Variants in KAT6B observed in about 807,000 individuals in gnomAD.
KAT6B encodes the protein lysine acetyltransferase 6B.
In KAT6B, 10 loss-of-function variants were observed where a neutral mutation model predicts 187.5. The ratio of observed to expected loss-of-function variants is 0.05; its 90% confidence interval spans 0.03 to 0.09. KAT6B has a LOEUF of 0.09. Ranked by LOEUF, KAT6B falls within the 10% of genes least tolerant of loss-of-function variation. The pLI, the probability that KAT6B is intolerant of heterozygous loss-of-function variation, is 1.00. For missense variants in KAT6B, 1,952 were observed against 2,558.9 expected, an observed-to-expected ratio of 0.76 and a Z score of 5.12; for synonymous variants, 861 against 926.8, an observed-to-expected ratio of 0.93 and a Z score of 1.29.
chr10:75,027,607 A>G, intron 17 of KAT6B, among the ~76,000 whole-genome samples: 1 of 151,954 alleles, frequency 6.6e-6, no homozygotes, highest in Admixed American at 6.6e-5. Context: ...TAATATGTAT[A>G]TAGCTATTCA....
At chr10:74,924,020 TTTG>T (rs776980909) in intron 3 of KAT6B, among the ~76,000 whole-genome samples, 15 of 152,126 alleles carry the variant, frequency 9.9e-5, no homozygotes, top group Non-Finnish European at 1.9e-4. Context: ...GCCCGCAGAA[TTTG>T]TTGATGAACT....
intron 3 of KAT6B, among the ~76,000 whole-genome samples, chr10:74,857,477 A>G (rs1297162828): frequency 6.6e-6 from 1 of 152,180 alleles, no homozygotes; most frequent in Non-Finnish European, 1.5e-5. Context: ...AAGGATGCAT[A>G]TTATTAGATT....
At chr10:74,846,376 GAC>G (rs1842101655) in intron 3 of KAT6B, among the ~76,000 whole-genome samples, 2 of 152,054 alleles carry the variant, frequency 1.3e-5, no homozygotes, top group Non-Finnish European at 2.9e-5. Flanking sequence ...TCATATGTCT[GAC>G]ACAGCCAAAT....
intron 3 of KAT6B, among the ~76,000 whole-genome samples, chr10:74,959,561 G>A (rs757216532): frequency 2.6e-5 from 4 of 152,154 alleles, no homozygotes; most frequent in Non-Finnish European, 5.9e-5. Context: ...GGAGGCTGAG[G>A]CAGGTGGATT....
At chr10:74,979,363 G>A (rs780212310) in intron 10 of KAT6B, 24 bp downstream of exon 10, 4 of 1,464,962 alleles carry the variant, frequency 2.7e-6, no homozygotes, top group Admixed American at 1.7e-5. Context: ...TCTGGCAGGT[G>A]TATAACTTGA....
At chr10:75,011,738 A>G (rs563925673) in intron 13 of KAT6B, among the ~76,000 whole-genome samples, 1 of 152,236 alleles carries the variant, frequency 6.6e-6, no homozygotes, top group Non-Finnish European at 1.5e-5. Flanking sequence ...CTTCTAATCC[A>G]CTAGACCAGG....
At chr10:74,839,376 G>A (rs914795551) in intron 2 of KAT6B, among the ~76,000 whole-genome samples, 4 of 151,538 alleles carry the variant, frequency 2.6e-5, no homozygotes, top group Non-Finnish European at 4.4e-5. Context: ...GATTACAGGC[G>A]CATGCCACCA....
At chr10:74,842,292 T>C (rs573062279) in intron 2 of KAT6B, among the ~76,000 whole-genome samples, 123 of 152,366 alleles carry the variant, frequency 8.1e-4, no homozygotes, top group Non-Finnish European at 1.2e-3. Context: ...GGCAGACATA[T>C]ACCTCAAACC....
chr10:74,968,277 AAC>A (rs1841612829), intron 4 of KAT6B, among the ~76,000 whole-genome samples: 1 of 152,202 alleles, frequency 6.6e-6, no homozygotes, highest in Admixed American at 6.5e-5. Context: ...CTCATAAAAG[AAC>A]AGTGTCACAG....
chr10:74,983,194 T>C (rs1176106509), intron 11 of KAT6B: 1 of 152,236 alleles, frequency 6.6e-6, no homozygotes, highest in East Asian at 1.9e-4. Flanking sequence ...TTCAAGCTGG[T>C]TAGTTCTTTG....
At chr10:74,826,032 TCGCGTGCCCGCCCG>T (rs942319126), upstream of KAT6B, among the ~76,000 whole-genome samples, 1 of 150,472 alleles carries the variant, frequency 6.6e-6, no homozygotes, top group Non-Finnish European at 1.5e-5. Context: ...AATTTTAACT[TCGCGTGCCCGCCCG>T]CGCGCGCCCG....
At chr10:74,877,145 TA>T (rs1564536980) in intron 3 of KAT6B, among the ~76,000 whole-genome samples, 1 of 151,838 alleles carries the variant, frequency 6.6e-6, no homozygotes, top group Non-Finnish European at 1.5e-5. Context: ...TTTGTATTTT[TA>T]GTGGAGACAG....
chr10:74,975,914 G>T lies in KAT6B; in HGVS notation c.1577G>T (p.Cys526Phe). The change falls in exon 8 of 18, where the codon TGC (cysteine) becomes TTC (phenylalanine). Residue 526 changes from cysteine (C) to phenylalanine (F), a missense_variant. Around this residue, in one of 9 missense-constraint regions of KAT6B, gnomAD observed 417 missense variants for 508.9 expected, o/e 0.82. Transcript: ENST00000287239. The stretch of plus-strand genomic sequence containing the variant: ...TCTCCCCAGAGTTCTTCCAGCCAGT[G>T]CAGTGTGCCCTCCCTGAGCAGCCTT... ...SPSPQSSSSQCSVPSLSSLTT... is the reference protein window; with the variant it reads ...SPSPQSSSSQFSVPSLSSLTT... 6.2e-7 allele frequency: 1 copy of T among 1,614,100 alleles called. No individual in the cohort carries two copies. Among genetic ancestry groups the T allele is most frequent in the Non-Finnish European group, 8.5e-7 (1 of 1,180,022 alleles).
At chr10:74,885,063 TAA>T (rs1491415223) in intron 3 of KAT6B, among the ~76,000 whole-genome samples, 6 of 151,852 alleles carry the variant, frequency 4.0e-5, no homozygotes, top group African/African-American at 1.5e-4. Context: ...ATTAATTAAT[TAA>T]TTAATTTATT....
intron 13 of KAT6B, among the ~76,000 whole-genome samples, chr10:74,989,873 C>T (rs1843019761): frequency 6.6e-6 from 1 of 151,768 alleles, no homozygotes; most frequent in Admixed American, 6.6e-5. Context: ...ACCAGATAAC[C>T]CATGATAATA....
chr10:74,870,565 A>G (rs1843847783), intron 3 of KAT6B, among the ~76,000 whole-genome samples: 1 of 152,124 alleles, frequency 6.6e-6, no homozygotes, highest in Non-Finnish European at 1.5e-5. Flanking sequence ...TTAAATATAA[A>G]TTGTCTATTG....
At chr10:74,927,131 A>G (rs979577247) in intron 3 of KAT6B, among the ~76,000 whole-genome samples, 19 of 152,226 alleles carry the variant, frequency 1.2e-4, no homozygotes, top group African/African-American at 4.6e-4. Context: ...GGTTTGACCT[A>G]GATGTTGATG....
chr10:74,830,754 A>ATATATATATATATATATATG (rs1564891963), intron 1 of KAT6B, among the ~76,000 whole-genome samples: 10 of 24,354 alleles, frequency 4.1e-4, no homozygotes, highest in African/African-American at 2.8e-3. Flanking sequence ...ATATATATAT[A>ATATATATATATATATATATG]TATATATATA....
intron 3 of KAT6B, among the ~76,000 whole-genome samples, chr10:74,846,452 T>C (rs1842108470): frequency 6.6e-6 from 1 of 152,166 alleles, no homozygotes; most frequent in South Asian, 2.1e-4. Context: ...TTTTTTTGTT[T>C]TTTTTGAGAT....
Sources: allele counts gnomAD v4.1 joint callset (sites outside exome capture counted in the v4.1 genomes callset), GRCh38; gene constraint gnomAD v4.1.1; regional missense constraint gnomAD v4.1.1; transcripts MANE v1.5; gene names NCBI Gene and HGNC (gene_info 2026-07-23, HGNC 2026-07-21).